The following PAPLN variants were observed in gnomAD, a reference collection of about 807,000 sequenced individuals.
The protein encoded by PAPLN is papilin, proteoglycan like sulfated glycoprotein.
In PAPLN, 146 loss-of-function variants were observed where a neutral mutation model predicts 159.0. The ratio of observed to expected loss-of-function variants is 0.92; its 90% CI spans 0.80 to 1.05. The LOEUF (loss-of-function observed/expected upper bound fraction) is 1.05. Ranked by LOEUF, PAPLN falls within the 50% of genes least tolerant of loss-of-function variation. PAPLN has a pLI of 0.00. For missense variants in PAPLN, 1,720 were observed against 1,743.9 expected (o/e 0.99, Z 0.24); for synonymous variants, 734 against 702.9 (o/e 1.04, Z -0.70).
Position 73,266,486 on chromosome 14 carries a change from G to C in PAPLN, c.3264-15G>C. 1 of 1,613,422 alleles carries C rather than the reference G, an allele frequency of 6.2e-7. No homozygotes were observed. The highest frequency in any genetic ancestry group is 8.5e-7 in the Non-Finnish European group (1 of 1,179,702). ...CTCCTTGGGCTGGAGCCAACTGGCT[G>C]TACTTGGTCCCCAGACACCAGCTGC... On this transcript the variant is annotated splice_polypyrimidine_tract_variant and intron_variant, in intron 23 of 26. Coordinates refer to ENST00000644200, the MANE Select transcript of PAPLN (RefSeq NM_001365906.3).
At chr14:73,238,150 C>A (rs1372246968) in intron 1 of PAPLN, among the ~76,000 whole-genome samples, 1 of 152,208 alleles carries the variant, frequency 6.6e-6, no homozygotes, top group Non-Finnish European at 1.5e-5. Context: ...CGGGCGTCTG[C>A]GGACTGCGGC....
chr14:73,263,077 A>G, intron 19 of PAPLN: 1 of 412,882 alleles, frequency 2.4e-6, no homozygotes, highest in African/African-American at 2.0e-5. Context: ...TCTCCATCAG[A>G]TCTCGCCAGT....
chr14:73,252,775 GGTGAGAC>G lies in PAPLN; in HGVS notation c.1094+1_1094+7del. 3 of 1,613,286 alleles carry G rather than the reference GGTGAGAC, an allele frequency of 1.9e-6. No homozygotes were observed. Among genetic ancestry groups the G allele is most frequent in the Non-Finnish European group, 2.5e-6 (3 of 1,179,978 alleles). On this transcript the variant is annotated splice_donor_variant and splice_donor_5th_base_variant and intron_variant, in intron 11 of 26. Coordinates refer to ENST00000644200, the MANE Select transcript of PAPLN (RefSeq NM_001365906.3). LOFTEE classifies it high-confidence loss of function. ...CTTCACCCTTGCCCGGAGACCAAGC[GGTGAGAC>G]CTTGCCAGCCCCTCTACCCATGATG...
chr14:73,266,896 C>T (rs1472644379), intron 25 of PAPLN, 65 bp downstream of exon 25: 1 of 1,453,956 alleles, frequency 6.9e-7, no homozygotes, highest in African/African-American at 1.4e-5. Context: ...TGGGTGTCCA[C>T]CTTTCTGCCA....
At chr14:73,255,119 T>C in intron 14 of PAPLN, 101 bp downstream of exon 14, 1 of 1,454,374 alleles carries the variant, frequency 6.9e-7, no homozygotes, top group Non-Finnish European at 9.3e-7. Flanking sequence ...GCCTGCACTG[T>C]GTCATCCCTC....
chr14:73,266,134 T>G (rs1887191486), intron 23 of PAPLN, among the ~76,000 whole-genome samples: 1 of 150,326 alleles, frequency 6.7e-6, no homozygotes, highest in African/African-American at 2.5e-5. Context: ...AGGTCAGGAG[T>G]TCAAGACCAG....
intron 16 of PAPLN, 125 bp from the exon 17 acceptor site, chr14:73,260,584 G>A (rs537317183): frequency 1.1e-4 from 143 of 1,258,162 alleles, no homozygotes; most frequent in African/African-American, 1.7e-4. Flanking sequence ...ACGGGGACAC[G>A]TCCTCTCCCC....
At chr14:73,264,848 G>A in intron 22 of PAPLN, 122 bp downstream of exon 22, 2 of 1,481,278 alleles carry the variant, frequency 1.4e-6, no homozygotes, top group Non-Finnish European at 1.8e-6. Flanking sequence ...TCAGGGCTCT[G>A]GGAGGCCAGG....
At chr14:73,251,387 C>A in intron 7 of PAPLN, 99 bp from the exon 8 acceptor site, 1 of 1,266,730 alleles carries the variant, frequency 7.9e-7, no homozygotes, top group Non-Finnish European at 1.1e-6. Context: ...TGTACCCTCC[C>A]TGCCCCCATT....
rs377339624 is a variant in PAPLN, at chr14:73,244,659, C to T, written c.70C>T (p.Arg24Trp). Residue 24 changes from arginine (R) to tryptophan (W), a missense_variant, in exon 3 of 27, where the codon CGG (arginine) becomes TGG (tryptophan). Transcript: ENST00000644200. ...TCTTCTGCAGGCTCCCAAGGTGAGG[C>T]GGCAGAGTGACACCTGGGGACCCTG... The part of the protein sequence containing the change: ...APGSSAPKVR[R>W]QSDTWGPWSQ... 1.2e-4 allele frequency: 184 copies of T among 1,585,674 alleles called. No individual in the cohort carries two copies. Among genetic ancestry groups the T allele is most frequent in the Non-Finnish European group, 1.5e-4 (171 of 1,166,728 alleles).
chr14:73,260,537 GC>G (rs1001553560), intron 16 of PAPLN, among the ~76,000 whole-genome samples, 171 bp from the exon 17 acceptor site: 16 of 144,758 alleles, frequency 1.1e-4, no homozygotes, highest in East Asian at 4.0e-4. Context: ...GTGGATTTAG[GC>G]AGAGATTGCG....
chr14:73,253,371 C>A (rs922758079), intron 11 of PAPLN: 1 of 742,654 alleles, frequency 1.3e-6, no homozygotes. Flanking sequence ...TCCTTGCACC[C>A]GGGGCCTGGC....
Position 73,259,419 on chromosome 14 carries a change from C to T in PAPLN, c.1859C>T (p.Pro620Leu), listed in dbSNP as rs772674967. 6.8e-6 allele frequency: 11 copies of T among 1,613,004 alleles called. No individual in the cohort carries two copies. The East Asian group carries it at 2.0e-4, about 29-fold the overall frequency. ...PSLQQPPYQQ[P>L]LRSGSGPHDC... is the part of the protein sequence containing the mutation. ...CTGCAGCAGCCCCCATACCAGCAAC[C>T]CCTGCGGTCGGGCTCAGGGCCCCAC... is the stretch of plus-strand genomic sequence containing the variant. The change falls in exon 16 of 27, where the codon CCC (proline) becomes CTC (leucine). Residue 620 changes from proline to leucine, a missense_variant. Pro to Leu is a moderately conservative substitution (Grantham distance 98). Coordinates refer to ENST00000644200, the MANE Select transcript of PAPLN (RefSeq NM_001365906.3).
At position 73,251,749 on chromosome 14, in the gene PAPLN, CCTGCATTACG is replaced by C. The variant is rs1226906275; in HGVS notation, c.757_766del (p.Leu253SerfsTer216). 3 of 1,613,014 alleles carry C rather than the reference CCTGCATTACG, an allele frequency of 1.9e-6. No individual in the cohort carries two copies. In the Admixed American group the frequency reaches 5.0e-5, roughly 27 times the overall value. ...GGGCCCTGCCAGCAGCCAGCACCATCCTGCATTACGAGCGGGGTGCTGAGGGGGACCTGGC... is the reference window on the plus strand; with the variant it reads ...GGGCCCTGCCAGCAGCCAGCACCATCAGCGGGGTGCTGAGGGGGACCTGGC... On this transcript the variant is annotated frameshift_variant, in exon 9 of 27. Transcript: ENST00000644200. LOFTEE classifies it high-confidence loss of function.
chr14:73,260,793 C>T lies in PAPLN; in HGVS notation c.2070C>T (p.Thr690=), dbSNP rs144436642. 90 of 1,493,732 alleles carry T rather than the reference C, an allele frequency of 6.0e-5. No homozygotes were observed. The Admixed American group carries it at 6.9e-4, about 11-fold the overall frequency. 92.5% of individuals were successfully genotyped at this position (1,493,732 alleles called of 1,614,324 possible). A position where few individuals can be genotyped will look rare whatever the true frequency, so the allele number is the denominator to read the frequency against. The change falls in exon 17 of 27, where the codon ACC becomes ACT. Residue 690 remains threonine (T), a synonymous_variant. Transcript: ENST00000644200. Reference sequence around the variant, plus strand: ...CAAAGTCGTATGGTGGTGACAGCACCGGGGGCATGCCCAGGTCAAGGGCAG... The same window carrying T: ...CAAAGTCGTATGGTGGTGACAGCACTGGGGGCATGCCCAGGTCAAGGGCAG... ...GCTKSYGGDS[T]GGMPRSRAVA...
At position 73,265,615 on chromosome 14, in the gene PAPLN, G is replaced by A; in HGVS notation, c.3263+108G>A. 3 of 1,482,536 alleles carry A rather than the reference G, an allele frequency of 2.0e-6. No homozygotes were observed. Among genetic ancestry groups the A allele is most frequent in the South Asian group, 2.6e-5 (2 of 76,308 alleles). 91.8% of individuals were successfully genotyped at this position (1,482,536 alleles called of 1,614,324 possible). On this transcript the variant is annotated intron_variant, in intron 23 of 26. Coordinates refer to ENST00000644200, the MANE Select transcript of PAPLN (RefSeq NM_001365906.3). The surrounding 1 kb of genome is among the most constrained non-coding windows in gnomAD (Gnocchi z 4.1). ...CTAGCGCATGGTCATGGCCAGTCCT[G>A]AGCCGGACTCCAGGGCCTCTTGAGA...
At position 73,268,652 on chromosome 14, in the gene PAPLN, C is replaced by T. The variant is rs551676546; in HGVS notation, c.3596C>T (p.Ser1199Phe). ...IYNLRARDEGSYTCSAYQGSQ... is the reference protein window; with the variant it reads ...IYNLRARDEGFYTCSAYQGSQ... ...AACTTGCGGGCCAGGGATGAGGGCT[C>T]CTACACGTGCAGTGCCTACCAGGGG... is the stretch of plus-strand genomic sequence containing the variant. The change falls in exon 26 of 27, where the codon TCC (serine) becomes TTC (phenylalanine). Residue 1199 changes from serine (S) to phenylalanine (F), a missense_variant. By Grantham distance (155) the Ser-to-Phe change is radical. Transcript: ENST00000644200. 2.9e-5 allele frequency: 46 copies of T among 1,613,890 alleles called. 1 individual carries two copies. Among genetic ancestry groups the T allele is most frequent in the Non-Finnish European group, 3.8e-5 (45 of 1,179,984 alleles).
At position 73,259,557 on chromosome 14, in the gene PAPLN, A is replaced by G; in HGVS notation, c.1985+12A>G. On this transcript the variant is annotated intron_variant, in intron 16 of 26. Coordinates refer to ENST00000644200, the MANE Select transcript of PAPLN (RefSeq NM_001365906.3). ...TGTCAGCAGAGCAGGTGGGTGCTGG[A>G]GACAGGTCTTCCTCCTCCCCCGTCA... The G allele has an allele frequency of 6.6e-7, 1 of 1,516,322 alleles. No homozygotes were observed. The highest frequency in any genetic ancestry group is 8.8e-7 in the Non-Finnish European group (1 of 1,130,846). 93.9% of individuals were successfully genotyped at this position (1,516,322 alleles called of 1,614,324 possible).
At position 73,260,748 on chromosome 14, in the gene PAPLN, G is replaced by A. The variant is rs1161014217; in HGVS notation, c.2025G>A (p.Gly675=). 3 of 1,476,218 alleles carry A rather than the reference G, an allele frequency of 2.0e-6. No homozygotes were observed. The highest frequency in any genetic ancestry group is 1.4e-5 in the African/African-American group (1 of 69,192). The allele number at this position is 1,476,218 out of a possible 1,614,324, so 91.4% of individuals were successfully genotyped here. Residue 675 remains glycine (G), a synonymous_variant, in exon 17 of 27, where the codon GGG becomes GGA. Transcript: ENST00000644200. ...CCPDRVSVAE[G]PHHAGCTKSY... ...CTGACAGGGTATCTGTCGCTGAGGG[G>A]CCCCATCACGCTGGCTGCACAAAGT...
Sources: gnomAD v4.1 joint callset for allele counts (sites outside exome capture counted in the v4.1 genomes callset) on GRCh38, gnomAD v4.1.1 for gene constraint, Gnocchi (gnomAD v3.1) non-coding constraint, MANE v1.5 for transcripts, NCBI Gene and HGNC (gene_info 2026-07-23, HGNC 2026-07-21) for gene names.